Variants in BBX observed in about 807,000 individuals in gnomAD.
BBX encodes BBX high mobility group box domain containing.
BBX carries 30 observed loss-of-function variants against 100.2 expected under a neutral mutation model. That is an observed-to-expected ratio of 0.30 (90% CI 0.22 to 0.41). The LOEUF (loss-of-function observed/expected upper bound fraction) is 0.41, where lower values mean the gene tolerates loss of function less well. Ranked by LOEUF, BBX falls within the 10% of genes least tolerant of loss-of-function variation. BBX has a pLI of 1.00. For synonymous variants in BBX, 376 were observed against 388.1 expected (o/e 0.97, Z 0.37); for missense variants, 1,023 against 1,129.8 (o/e 0.91, Z 1.35).
rs959541328 is a variant in BBX, at chr3:107,773,889, T to TC, written c.1915+259dup. Among the ~76,000 whole-genome samples, 4 of 152,126 alleles carry TC rather than the reference T, an allele frequency of 2.6e-5. No homozygotes were observed. Among genetic ancestry groups the TC allele is most frequent in the African/African-American group, 9.7e-5 (4 of 41,420 alleles). ...ATTAAAGTAATTTTAATCTCTTCTTTCCCCCCACTGGTATGGGCTGGCTGT... is the reference window on the plus strand; with the variant it reads ...ATTAAAGTAATTTTAATCTCTTCTTTCCCCCCCACTGGTATGGGCTGGCTGT... On this transcript the variant is annotated intron_variant, in intron 11 of 17. Coordinates refer to ENST00000325805, the MANE Select transcript of BBX (RefSeq NM_001142568.3). This position sits in a 1 kb window ranked among gnomAD's most constrained non-coding sequence, Gnocchi z 4.1.
intron 3 of BBX, among the ~76,000 whole-genome samples, chr3:107,650,852 T>C (rs1271579510): frequency 6.6e-6 from 1 of 152,190 alleles, no homozygotes; most frequent in Non-Finnish European, 1.5e-5. Flanking sequence ...TTATTTTAAG[T>C]TGAAAGTTCT....
intron 2 of BBX, among the ~76,000 whole-genome samples, chr3:107,599,892 C>T (rs1279399470): frequency 1.4e-5 from 2 of 141,988 alleles, no homozygotes; most frequent in African/African-American, 2.7e-5. Context: ...TAATACGTCT[C>T]TCATTATTTA....
intron 17 of BBX, among the ~76,000 whole-genome samples, chr3:107,804,859 G>A (rs1444312124): frequency 6.6e-6 from 1 of 150,640 alleles, no homozygotes; most frequent in East Asian, 1.9e-4. Flanking sequence ...CTCTTCCAGA[G>A]TCATTGCTTT....
chr3:107,773,106 A>C lies in BBX; in HGVS notation c.1385A>C (p.His462Pro), dbSNP rs2067036011. 1 of 1,613,690 alleles carries C rather than the reference A, an allele frequency of 6.2e-7. No homozygotes were observed. The highest frequency in any genetic ancestry group is 8.5e-7 in the Non-Finnish European group (1 of 1,179,928). Residue 462 changes from histidine (H) to proline (P), a missense_variant, in exon 11 of 18, where the codon CAT becomes CCT. By Grantham distance (77) the His-to-Pro change is moderately conservative. Around this residue, in one of 9 missense-constraint regions of BBX, gnomAD observed 348 missense variants for 353.2 expected, o/e 0.99. Transcript: ENST00000325805. The surrounding 1 kb of genome is among the most constrained non-coding windows in gnomAD (Gnocchi z 4.1). The stretch of plus-strand genomic sequence containing the variant: ...AAGAAGAAAAGCAAAATGGATCGAC[A>C]TGGAAATGATAAATCCACACCCAAG... ...KKKKKSKMDR[H>P]GNDKSTPKKT...
chr3:107,622,298 AG>A (rs2055835960), intron 2 of BBX, among the ~76,000 whole-genome samples: 1 of 152,192 alleles, frequency 6.6e-6, no homozygotes. Context: ...GCTTATCAGT[AG>A]TTCGTTATAT....
At chr3:107,804,428 G>A (rs9875750) in intron 17 of BBX, among the ~76,000 whole-genome samples, 15,456 of 152,218 alleles carry the variant, frequency 0.1, 1,045 homozygotes, top group Middle Eastern at 0.16. Flanking sequence ...CAGTGAGTGT[G>A]CATTTTCTAG....
At chr3:107,653,538 G>C (rs2057966400) in intron 3 of BBX, among the ~76,000 whole-genome samples, 1 of 152,174 alleles carries the variant, frequency 6.6e-6, no homozygotes, top group Admixed American at 6.5e-5. Flanking sequence ...GAAGCTGATA[G>C]ACAAGAATAT....
chr3:107,699,308 G>A (rs1012588791), intron 3 of BBX, among the ~76,000 whole-genome samples: 1 of 151,748 alleles, frequency 6.6e-6, no homozygotes, highest in African/African-American at 2.4e-5. Context: ...AGGTGGGAGT[G>A]CATGGCAAGC....
chr3:107,735,851 T>C (rs1359875782), intron 7 of BBX, among the ~76,000 whole-genome samples: 1 of 152,092 alleles, frequency 6.6e-6, no homozygotes, highest in East Asian at 1.9e-4. Context: ...ATAATAGATT[T>C]TTTGCATTAT....
At position 107,809,132 on chromosome 3, in the gene BBX, T is replaced by G. The variant is rs1423071932; in HGVS notation, c.*3675T>G. On this transcript the variant is annotated 3_prime_UTR_variant, in exon 18 of 18. Coordinates refer to ENST00000325805, the MANE Select transcript of BBX (RefSeq NM_001142568.3). ...CAATGTATGGAAATGTTTGCACCTA[T>G]GTAAAGTCACAAGCTAATTACAAAT... 5.3e-5 allele frequency: 8 copies of G among 152,254 alleles called. No individual in the cohort carries two copies. Among genetic ancestry groups the G allele is most frequent in the Non-Finnish European group, 2.9e-5 (2 of 68,040 alleles). 9.4% of individuals were successfully genotyped at this position (152,254 alleles called of 1,614,324 possible). A position where few individuals can be genotyped will look rare whatever the true frequency, so the allele number is the denominator to read the frequency against.
chr3:107,764,350 T>C (rs998294465), intron 10 of BBX, among the ~76,000 whole-genome samples: 1 of 152,216 alleles, frequency 6.6e-6, no homozygotes, highest in Non-Finnish European at 1.5e-5. Flanking sequence ...GAATGCATTT[T>C]AGACTCATAG....
intron 10 of BBX, among the ~76,000 whole-genome samples, chr3:107,761,030 C>T (rs2065858580): frequency 6.6e-6 from 1 of 152,152 alleles, no homozygotes; most frequent in Non-Finnish European, 1.5e-5. Context: ...CTCTCCTTTC[C>T]CTGCTGAGCC....
intron 7 of BBX, among the ~76,000 whole-genome samples, chr3:107,739,963 T>C (rs1178847236): frequency 6.6e-6 from 1 of 152,084 alleles, no homozygotes; most frequent in African/African-American, 2.4e-5. Flanking sequence ...CAGATTATAA[T>C]GTTAGGAGAA....
chr3:107,745,048 CA>C (rs1289927383), intron 8 of BBX, among the ~76,000 whole-genome samples: 1 of 152,150 alleles, frequency 6.6e-6, no homozygotes, highest in Admixed American at 6.5e-5. Flanking sequence ...AAACAGAAGA[CA>C]AAATCAGCTC....
chr3:107,561,028 T>G (rs1241400726), intron 2 of BBX, among the ~76,000 whole-genome samples: 9 of 152,156 alleles, frequency 5.9e-5, no homozygotes, highest in Non-Finnish European at 2.9e-5. Flanking sequence ...GCCTTTTAAC[T>G]ACTAGGTGCT....
rs776672384 is a variant in BBX, at chr3:107,606,252, C to T, written c.-83-39584C>T. Among the ~76,000 whole-genome samples the T allele has an allele frequency of 2.0e-5, 3 of 152,144 alleles. No homozygotes were observed. In the South Asian group the frequency reaches 6.2e-4, roughly 31 times the overall value. Reference sequence around the variant, plus strand: ...TTATCCTAATATATGGTAAGACCCACGGTCAGCAGTGGGAGATTTAATTAT... The same window carrying T: ...TTATCCTAATATATGGTAAGACCCATGGTCAGCAGTGGGAGATTTAATTAT... On this transcript the variant is annotated intron_variant, in intron 2 of 17. Transcript: ENST00000325805.
intron 3 of BBX, among the ~76,000 whole-genome samples, chr3:107,703,590 A>G (rs549140486): frequency 4.3e-4 from 65 of 152,344 alleles, no homozygotes; most frequent in African/African-American, 1.5e-3. Flanking sequence ...TGAAGAGCAT[A>G]TCGATAACAT....
intron 17 of BBX, among the ~76,000 whole-genome samples, chr3:107,803,572 A>G (rs2070751030): frequency 6.6e-6 from 1 of 152,236 alleles, no homozygotes; most frequent in Non-Finnish European, 1.5e-5. Context: ...TACACAAAAT[A>G]GAGAGTTGGA....
At chr3:107,716,064 T>C (rs2062080788) in intron 4 of BBX, among the ~76,000 whole-genome samples, 1 of 152,230 alleles carries the variant, frequency 6.6e-6, no homozygotes. Flanking sequence ...GTAGTCTATA[T>C]TACCTTTTTA....
Sources: allele counts gnomAD v4.1 joint callset (sites outside exome capture counted in the v4.1 genomes callset), GRCh38; gene constraint gnomAD v4.1.1; regional missense constraint gnomAD v4.1.1; non-coding constraint Gnocchi (gnomAD v3.1); transcripts MANE v1.5; gene names NCBI Gene and HGNC (gene_info 2026-07-23, HGNC 2026-07-21).